Variants in INVS observed in about 807,000 individuals in gnomAD.
INVS encodes inversion of embryo turning homolog.
A neutral mutation model predicts 108.8 loss-of-function variants in INVS; 86 were observed. The observed-to-expected ratio is 0.79, with a 90% CI of 0.66 to 0.95. The LOEUF is 0.95. INVS is among the 40% of genes least tolerant of loss of function. INVS has a pLI of 0.00. For synonymous variants in INVS, 455 were observed against 473.5 expected (o/e 0.96, Z 0.51); for missense variants, 1,169 against 1,297.4 (o/e 0.90, Z 1.52).
At chr9:100,227,991 CTTTT>C (rs33912012) in intron 4 of INVS, among the ~76,000 whole-genome samples, 4 of 133,440 alleles carry the variant, frequency 3.0e-5, no homozygotes, top group Admixed American at 7.8e-5. Flanking sequence ...TTCTTTCTTT[CTTTT>C]TTTTTTTTTT....
intron 5 of INVS, 72 bp from the exon 6 acceptor site, chr9:100,239,988 A>C: frequency 7.1e-7 from 1 of 1,412,688 alleles, no homozygotes; most frequent in South Asian, 1.2e-5. Flanking sequence ...AAGAAAGAAA[A>C]AAATACTTAC....
Position 100,178,458 on chromosome 9 carries a change from C to G in INVS, c.274-47604C>G, listed in dbSNP as rs533251274. ...GAAGAACATAAATAACCTGATGGAG[C>G]TAAAAAAACACAGCAGGAGAACTTT... is the stretch of plus-strand genomic sequence containing the variant. On this transcript the variant is annotated intron_variant, in intron 3 of 16. Coordinates refer to ENST00000262457, the MANE Select transcript of INVS (RefSeq NM_014425.5). Among the ~76,000 whole-genome samples, 233 of 152,066 alleles carry G rather than the reference C, an allele frequency of 1.5e-3. 1 individual carries two copies. Among genetic ancestry groups the G allele is most frequent in the South Asian group, 2.7e-3 (13 of 4,814 alleles).
intron 16 of INVS, among the ~76,000 whole-genome samples, chr9:100,299,194 T>C (rs1185958106): frequency 6.6e-6 from 1 of 152,192 alleles, no homozygotes; most frequent in Non-Finnish European, 1.5e-5. Flanking sequence ...GTCCTACACA[T>C]ATTTTTGACT....
At chr9:100,271,574 TCCTCCCTA>T (rs1413172278) in intron 11 of INVS, among the ~76,000 whole-genome samples, 24 of 152,342 alleles carry the variant, frequency 1.6e-4, no homozygotes, top group Admixed American at 1.2e-3. Context: ...TGCCAAATCA[TCCTCCCTA>T]GAAGTTAAAG....
At chr9:100,142,538 T>A (rs1828466605) in intron 3 of INVS, among the ~76,000 whole-genome samples, 1 of 151,984 alleles carries the variant, frequency 6.6e-6, no homozygotes, top group African/African-American at 2.4e-5. Flanking sequence ...GTCATGAGGG[T>A]CAGGTGTGGT....
chr9:100,183,385 G>A (rs757821959), intron 3 of INVS, among the ~76,000 whole-genome samples: 10 of 152,162 alleles, frequency 6.6e-5, no homozygotes, highest in Non-Finnish European at 1.5e-4. Flanking sequence ...TTAAAATGCT[G>A]AAAGGAAAAA....
chr9:100,191,714 T>A (rs1355578159), intron 3 of INVS, among the ~76,000 whole-genome samples: 3 of 152,214 alleles, frequency 2.0e-5, no homozygotes, highest in Admixed American at 2.0e-4. Context: ...GATCCATTGC[T>A]GGAGAGTTAG....
chr9:100,202,443 A>G (rs1830559487), intron 3 of INVS, among the ~76,000 whole-genome samples: 1 of 152,204 alleles, frequency 6.6e-6, no homozygotes, highest in African/African-American at 2.4e-5. Context: ...TGGCCATGGC[A>G]TTTTTTAGAA....
intron 2 of INVS, among the ~76,000 whole-genome samples, chr9:100,110,037 A>G (rs1240372776): frequency 1.3e-5 from 2 of 152,194 alleles, no homozygotes; most frequent in Non-Finnish European, 2.9e-5. Context: ...GACAGAGTAG[A>G]GGTACTATTT....
Position 100,284,375 on chromosome 9 carries a change from A to G in INVS, c.1840A>G (p.Ser614Gly), listed in dbSNP as rs945850768. The change falls in exon 13 of 17, where the codon AGC (serine) becomes GGC (glycine). Residue 614 changes from serine (S) to glycine (G), a missense_variant. Ser to Gly is a moderately conservative substitution (Grantham distance 56). Transcript: ENST00000262457. ...KEAEQQKGRR[S>G]PDSCRPQALP... ...GGCAGAACAGCAAAAAGGAAGGCGG[A>G]GCCCAGATTCCTGCAGACCCCAGGC... is the stretch of plus-strand genomic sequence containing the variant. The G allele has an allele frequency of 6.2e-7, 1 of 1,613,800 alleles. No homozygotes were observed. Among genetic ancestry groups the G allele is most frequent in the Non-Finnish European group, 8.5e-7 (1 of 1,180,046 alleles).
At chr9:100,157,507 C>T (rs1829036432) in intron 3 of INVS, among the ~76,000 whole-genome samples, 1 of 151,996 alleles carries the variant, frequency 6.6e-6, no homozygotes, top group African/African-American at 2.4e-5. Context: ...GCCTCGTGAT[C>T]CGCCCGCCTC....
intron 2 of INVS, among the ~76,000 whole-genome samples, chr9:100,120,228 C>T (rs1199898969): frequency 2.6e-5 from 4 of 152,120 alleles, no homozygotes; most frequent in South Asian, 2.1e-4. Context: ...AAAGTATATT[C>T]GAGTTATTCA....
chr9:100,300,811 A>G lies in INVS; in HGVS notation c.*137A>G, dbSNP rs998591901. On this transcript the variant is annotated 3_prime_UTR_variant, in exon 17 of 17. Coordinates refer to ENST00000262457, the MANE Select transcript of INVS (RefSeq NM_014425.5). ...AGGCTGATTCACCTAAAAATGTGTT[A>G]ACTGAAAGAAAATGTCAGAATGTTT... 7.3e-6 allele frequency: 5 copies of G among 688,806 alleles called. No individual in the cohort carries two copies. The African/African-American group carries it at 8.9e-5, about 12-fold the overall frequency. The allele number at this position is 688,806 out of a possible 1,614,324, so 42.7% of individuals were successfully genotyped here.
At chr9:100,236,964 C>A (rs1434136226) in intron 5 of INVS, among the ~76,000 whole-genome samples, 1 of 152,222 alleles carries the variant, frequency 6.6e-6, no homozygotes, top group Non-Finnish European at 1.5e-5. Flanking sequence ...CCCACAGCCA[C>A]TCCTTCCCCA....
rs59924532 is a variant in INVS, at chr9:100,192,978, C to CTTTT, written c.274-33071_274-33068dup. The stretch of plus-strand genomic sequence containing the variant: ...ATTAGATTACCTATGATACCAATGT[C>CTTTT]TTTTTTTTTTTTTTTTCTGATACAG... On this transcript the variant is annotated intron_variant, in intron 3 of 16. Transcript: ENST00000262457. Among the ~76,000 whole-genome samples the CTTTT allele has an allele frequency of 5.1e-5, 7 of 136,956 alleles. 1 individual carries two copies. The highest frequency in any genetic ancestry group is 1.4e-4 in the African/African-American group (5 of 36,882). The allele number at this position is 136,956 out of a possible 152,430, so 89.8% of individuals were successfully genotyped here.
chr9:100,201,285 A>T (rs1830522997), intron 3 of INVS, among the ~76,000 whole-genome samples: 1 of 152,250 alleles, frequency 6.6e-6, no homozygotes, highest in Non-Finnish European at 1.5e-5. Context: ...GCTGTGAGCA[A>T]ACCTGCCTAT....
chr9:100,246,924 G>A lies in INVS; in HGVS notation c.1078+137G>A, dbSNP rs1009586670. ...GTTTGACTTTGGTCTTCAGTTTTAA[G>A]TTTGGGTTTGCCAGGATGTCACTCC... On this transcript the variant is annotated intron_variant, in intron 8 of 16. Transcript: ENST00000262457. 3.6e-6 allele frequency: 3 copies of A among 836,814 alleles called. No homozygotes were observed. The African/African-American group carries it at 5.1e-5, about 14-fold the overall frequency. The allele number at this position is 836,814 out of a possible 1,614,324, so 51.8% of individuals were successfully genotyped here. A position where few individuals can be genotyped will look rare whatever the true frequency, so the allele number is the denominator to read the frequency against.
intron 3 of INVS, among the ~76,000 whole-genome samples, chr9:100,200,881 A>G (rs762874352): frequency 9.9e-5 from 15 of 152,244 alleles, no homozygotes; most frequent in Non-Finnish European, 1.6e-4. Context: ...CAACTGAAGT[A>G]GCCTACCAAT....
chr9:100,288,124 G>T (rs1200935703), intron 13 of INVS, among the ~76,000 whole-genome samples: 1 of 152,120 alleles, frequency 6.6e-6, no homozygotes, highest in African/African-American at 2.4e-5. Flanking sequence ...TTTTACCAGG[G>T]CCCCTACTCT....
Sources: gnomAD v4.1 joint callset for allele counts (sites outside exome capture counted in the v4.1 genomes callset) on GRCh38, gnomAD v4.1.1 for gene constraint, MANE v1.5 for transcripts, NCBI Gene and HGNC (gene_info 2026-07-23, HGNC 2026-07-21) for gene names.